RBFOX1: variants seen among roughly 807,000 people sequenced by gnomAD.
The protein encoded by RBFOX1 is RNA binding fox-1 homolog 1, also known as RNA binding protein fox-1 homolog 1.
Under a neutral mutation model 57.7 loss-of-function variants are expected in RBFOX1, and 8 were observed. The ratio of observed to expected loss-of-function variants is 0.14; its 90% CI spans 0.08 to 0.25. RBFOX1 has a LOEUF of 0.25. Ranked by LOEUF, RBFOX1 falls within the 10% of genes least tolerant of loss-of-function variation. The pLI, the probability that RBFOX1 is intolerant of heterozygous loss-of-function variation, is 1.00. For missense variants in RBFOX1, 611 were observed against 548.5 expected, an observed-to-expected ratio of 1.11 and a Z score of -1.14; for synonymous variants, 326 against 222.4, an observed-to-expected ratio of 1.47 and a Z score of -4.15.
intron 14 of RBFOX1, among the ~76,000 whole-genome samples, chr16:7,700,063 C>T (rs2080160761): frequency 6.6e-6 from 1 of 152,126 alleles, no homozygotes; most frequent in Non-Finnish European, 1.5e-5. Flanking sequence ...CTCCCTACTT[C>T]TCAACCTGCT....
At chr16:6,331,380 G>A (rs945040675) in intron 2 of RBFOX1, among the ~76,000 whole-genome samples, 1 of 152,062 alleles carries the variant, frequency 6.6e-6, no homozygotes, top group African/African-American at 2.4e-5. Context: ...CCGGGAGGTG[G>A]AGGTTGCAGT....
chr16:7,667,398 T>C (rs1052538479), intron 13 of RBFOX1, among the ~76,000 whole-genome samples: 1 of 152,190 alleles, frequency 6.6e-6, no homozygotes, highest in African/African-American at 2.4e-5. Context: ...GCTAGAAATA[T>C]ATCATAATCT....
At chr16:6,948,952 G>A (rs1157891989) in intron 3 of RBFOX1, among the ~76,000 whole-genome samples, 1 of 152,092 alleles carries the variant, frequency 6.6e-6, no homozygotes, top group Non-Finnish European at 1.5e-5. Flanking sequence ...GTGTGGACGA[G>A]TTGGGTTGCT....
chr16:5,767,347 G>C (rs1475383348), intron 3 of RBFOX1, among the ~76,000 whole-genome samples: 1 of 152,246 alleles, frequency 6.6e-6, no homozygotes, highest in Non-Finnish European at 1.5e-5. Context: ...AAGATGGGAT[G>C]CTGCCCAGAG....
At chr16:6,867,396 T>C (rs1464894362) in intron 3 of RBFOX1, among the ~76,000 whole-genome samples, 1 of 151,904 alleles carries the variant, frequency 6.6e-6, no homozygotes, top group East Asian at 1.9e-4. Flanking sequence ...CCAGAATTTT[T>C]GTTCATCTGA....
intron 1 of RBFOX1, among the ~76,000 whole-genome samples, chr16:6,128,802 T>C (rs1172160658): frequency 6.6e-6 from 1 of 152,172 alleles, no homozygotes; most frequent in Admixed American, 6.5e-5. Context: ...TGTGCAGTGC[T>C]GGGGCACTTG....
chr16:7,278,137 T>C (rs1207454406), intron 4 of RBFOX1, among the ~76,000 whole-genome samples: 1 of 152,152 alleles, frequency 6.6e-6, no homozygotes, highest in Non-Finnish European at 1.5e-5. Flanking sequence ...TTTCCAAAAT[T>C]GTAAGGTAAA....
At chr16:7,060,232 A>AG (rs2053829891) in intron 4 of RBFOX1, among the ~76,000 whole-genome samples, 1 of 152,208 alleles carries the variant, frequency 6.6e-6, no homozygotes, top group Admixed American at 6.5e-5. Flanking sequence ...AGATAAAATG[A>AG]ATGATTGAGG....
chr16:7,187,009 A>G (rs1390043352), intron 4 of RBFOX1, among the ~76,000 whole-genome samples: 2 of 150,620 alleles, frequency 1.3e-5, no homozygotes, highest in African/African-American at 2.5e-5. Context: ...AAAAAAAAAA[A>G]AAAAAAAAAT....
At chr16:5,484,347 C>G (rs1031651087) in intron 2 of RBFOX1, among the ~76,000 whole-genome samples, 4 of 152,226 alleles carry the variant, frequency 2.6e-5, no homozygotes, top group African/African-American at 7.2e-5. Flanking sequence ...CAGTAAGCAG[C>G]TCACATCTTG....
At chr16:5,702,016 A>T (rs1354856440) in intron 3 of RBFOX1, among the ~76,000 whole-genome samples, 2 of 152,188 alleles carry the variant, frequency 1.3e-5, no homozygotes, top group Admixed American at 6.5e-5. Context: ...AGAGCTCAAT[A>T]GACACGTGTT....
At chr16:6,853,496 G>A (rs372163150) in intron 3 of RBFOX1, among the ~76,000 whole-genome samples, 2 of 152,130 alleles carry the variant, frequency 1.3e-5, no homozygotes, top group South Asian at 2.1e-4. Flanking sequence ...TGGTGCTCGA[G>A]GACAATCCCT....
intron 3 of RBFOX1, among the ~76,000 whole-genome samples, chr16:6,660,228 A>G (rs1336010129): frequency 6.6e-6 from 1 of 151,578 alleles, no homozygotes. Context: ...TCATCTTAAA[A>G]AAAAAAAAAA....
At chr16:7,687,585 G>T (rs144930514) in intron 14 of RBFOX1, among the ~76,000 whole-genome samples, 23 of 152,060 alleles carry the variant, frequency 1.5e-4, no homozygotes, top group Middle Eastern at 3.4e-3. Flanking sequence ...AAACACTCAT[G>T]GCTGAGTTCC....
chr16:7,359,229 A>T (rs2097273938), intron 4 of RBFOX1, among the ~76,000 whole-genome samples: 1 of 152,198 alleles, frequency 6.6e-6, no homozygotes, highest in African/African-American at 2.4e-5. Flanking sequence ...TACCTCTCAG[A>T]GGGACGATTA....
At chr16:5,342,902 T>C (rs545488007) in intron 1 of RBFOX1, among the ~76,000 whole-genome samples, 3 of 151,778 alleles carry the variant, frequency 2.0e-5, no homozygotes, top group Non-Finnish European at 4.4e-5. Flanking sequence ...ATAGGGAGAT[T>C]AACCCCTACC....
chr16:6,597,599 G>T (rs1425651741), intron 2 of RBFOX1, among the ~76,000 whole-genome samples: 1 of 152,106 alleles, frequency 6.6e-6, no homozygotes, highest in Non-Finnish European at 1.5e-5. Flanking sequence ...CGTGAACCCG[G>T]GAGGTGGAAG....
At chr16:5,494,216 T>G (rs2042926449) in intron 2 of RBFOX1, among the ~76,000 whole-genome samples, 1 of 152,206 alleles carries the variant, frequency 6.6e-6, no homozygotes, top group African/African-American at 2.4e-5. Context: ...TGATGTCTCC[T>G]TGGCGGATGC....
chr16:6,638,040 C>T (rs1051172460), intron 2 of RBFOX1, among the ~76,000 whole-genome samples: 12 of 152,114 alleles, frequency 7.9e-5, no homozygotes, highest in Admixed American at 3.9e-4. Flanking sequence ...TCTAAGACAC[C>T]TTTAGGGGTA....
Sources: allele counts gnomAD v4.1 joint callset (sites outside exome capture counted in the v4.1 genomes callset), GRCh38; gene constraint gnomAD v4.1.1; transcripts MANE v1.5; gene names NCBI Gene and HGNC (gene_info 2026-07-23, HGNC 2026-07-21).